Variants in MAPKAP1 observed in about 807,000 individuals in gnomAD.
MAPKAP1 encodes the protein target of rapamycin complex 2 subunit MAPKAP1.
MAPKAP1 carries 20 observed loss-of-function variants against 65.7 expected under a neutral mutation model. The observed-to-expected ratio is 0.30, with a 90% confidence interval of 0.21 to 0.44. The LOEUF is 0.44. MAPKAP1 is among the 20% of genes least tolerant of loss of function. The pLI is 1.00. For missense variants in MAPKAP1, 423 were observed against 648.0 expected (o/e 0.65, Z 3.77); for synonymous variants, 222 against 244.3 (o/e 0.91, Z 0.85).
At chr9:125,565,975 T>C (rs1831040991) in intron 5 of MAPKAP1, among the ~76,000 whole-genome samples, 2 of 152,154 alleles carry the variant, frequency 1.3e-5, no homozygotes, top group African/African-American at 4.8e-5. Context: ...TAATTCCACA[T>C]CTGTCACTTA....
At chr9:125,618,115 G>A (rs1832795154) in intron 4 of MAPKAP1, among the ~76,000 whole-genome samples, 1 of 151,890 alleles carries the variant, frequency 6.6e-6, no homozygotes, top group African/African-American at 2.4e-5. Flanking sequence ...AGAACTTAGG[G>A]AGGATCGCCT....
chr9:125,647,301 G>T (rs1182059059), intron 4 of MAPKAP1, among the ~76,000 whole-genome samples: 1 of 152,160 alleles, frequency 6.6e-6, no homozygotes, highest in Non-Finnish European at 1.5e-5. Flanking sequence ...CCATGTAGTT[G>T]CAAGCCTCAA....
chr9:125,538,924 C>T (rs1339367583), intron 7 of MAPKAP1, among the ~76,000 whole-genome samples: 4 of 152,282 alleles, frequency 2.6e-5, no homozygotes, highest in East Asian at 1.9e-4. Flanking sequence ...AAGAGTCCAA[C>T]GATGCCATCA....
intron 9 of MAPKAP1, among the ~76,000 whole-genome samples, chr9:125,483,071 G>C (rs1255370992): frequency 6.6e-6 from 1 of 152,164 alleles, no homozygotes; most frequent in Non-Finnish European, 1.5e-5. Context: ...AGCCCTCTGA[G>C]CACCACACTC....
At chr9:125,663,601 A>G (rs1222671328) in intron 3 of MAPKAP1, among the ~76,000 whole-genome samples, 1 of 152,236 alleles carries the variant, frequency 6.6e-6, no homozygotes, top group Non-Finnish European at 1.5e-5. Context: ...TGTTGAAGGA[A>G]TAATTTATTA....
At chr9:125,441,689 A>G (rs1852489813) in intron 11 of MAPKAP1, among the ~76,000 whole-genome samples, 1 of 152,136 alleles carries the variant, frequency 6.6e-6, no homozygotes, top group Non-Finnish European at 1.5e-5. Context: ...ACTCCTCAAG[A>G]GCTTCTGATG....
chr9:125,526,886 G>A (rs1374873704), intron 7 of MAPKAP1, among the ~76,000 whole-genome samples: 1 of 140,626 alleles, frequency 7.1e-6, no homozygotes, highest in East Asian at 2.1e-4. Flanking sequence ...AGTGATTTCT[G>A]CCTTAGCCTC....
At position 125,562,608 on chromosome 9, in the gene MAPKAP1, T is replaced by A. The variant is rs142641865; in HGVS notation, c.672-2799A>T. Among the ~76,000 whole-genome samples the A allele has an allele frequency of 5.9e-5, 9 of 152,342 alleles. No individual in the cohort carries two copies. The East Asian group carries it at 1.7e-3, about 29-fold the overall frequency. ...TCATTAGTAAAAGAAGCTACTGTGA[T>A]ATTTTGACTTCTAAAACTGCTTCAG... On this transcript the variant is annotated intron_variant, in intron 5 of 11. Coordinates refer to ENST00000265960, the MANE Select transcript of MAPKAP1 (RefSeq NM_001006617.3).
chr9:125,566,373 T>A (rs1216665255), intron 5 of MAPKAP1, among the ~76,000 whole-genome samples: 1 of 152,126 alleles, frequency 6.6e-6, no homozygotes, highest in African/African-American at 2.4e-5. Flanking sequence ...GAGACTAGCC[T>A]GGGCAACATG....
chr9:125,480,806 A>G (rs951231589), intron 9 of MAPKAP1, among the ~76,000 whole-genome samples: 17 of 151,512 alleles, frequency 1.1e-4, no homozygotes, highest in Admixed American at 1.1e-3. Context: ...CCCCGTCTCT[A>G]CTAAAAATAC....
chr9:125,672,422 C>T lies in MAPKAP1; in HGVS notation c.153G>A (p.Gly51=). 6.2e-7 allele frequency: 1 copy of T among 1,614,164 alleles called. No homozygotes were observed. The highest frequency in any genetic ancestry group is 8.5e-7 in the Non-Finnish European group (1 of 1,180,020). The change falls in exon 2 of 12, where the codon GGG becomes GGA. Residue 51 remains glycine, a synonymous_variant. Coordinates refer to ENST00000265960, the MANE Select transcript of MAPKAP1 (RefSeq NM_001006617.3). ...CACCATTGCTTCCCTGAATTTCTGA[C>T]CCACTGTCTCCAGGCATTGAAGGAG... ...IHPPSMPGDS[G]SEIQGSNGET...
At chr9:125,543,849 G>A (rs1830335142) in intron 6 of MAPKAP1, among the ~76,000 whole-genome samples, 1 of 152,036 alleles carries the variant, frequency 6.6e-6, no homozygotes, top group Admixed American at 6.6e-5. Context: ...TGATAAACTT[G>A]GCTTGTGTCA....
intron 4 of MAPKAP1, among the ~76,000 whole-genome samples, chr9:125,654,428 T>G (rs953549958): frequency 1.3e-5 from 2 of 152,124 alleles, no homozygotes; most frequent in Non-Finnish European, 2.9e-5. Flanking sequence ...TTTCAAATGA[T>G]CAGTAAACAG....
At chr9:125,679,650 G>A (rs1834762791) in intron 1 of MAPKAP1, among the ~76,000 whole-genome samples, 1 of 152,124 alleles carries the variant, frequency 6.6e-6, no homozygotes, top group African/African-American at 2.4e-5. Flanking sequence ...TTTACTTCAA[G>A]TCTATACCTG....
At chr9:125,533,734 C>A (rs577685412) in intron 7 of MAPKAP1, among the ~76,000 whole-genome samples, 104 of 152,324 alleles carry the variant, frequency 6.8e-4, no homozygotes, top group Non-Finnish European at 1.0e-3. Flanking sequence ...CAGGTGTGAG[C>A]CACTACGCTC....
intron 4 of MAPKAP1, among the ~76,000 whole-genome samples, chr9:125,615,825 A>G (rs1299370509): frequency 6.6e-6 from 1 of 152,008 alleles, no homozygotes; most frequent in Non-Finnish European, 1.5e-5. Context: ...AGGCACGAGA[A>G]TCACTTGATG....
chr9:125,452,298 C>T (rs777970311), intron 10 of MAPKAP1, among the ~76,000 whole-genome samples: 17 of 152,184 alleles, frequency 1.1e-4, no homozygotes, highest in South Asian at 6.2e-4. Context: ...GGGGTTTTGC[C>T]ATGTTGGCTA....
chr9:125,663,686 T>A (rs7849316), intron 3 of MAPKAP1, among the ~76,000 whole-genome samples: 1 of 152,152 alleles, frequency 6.6e-6, no homozygotes, highest in African/African-American at 2.4e-5. Flanking sequence ...GGGTAGGGTA[T>A]AGGAAGGGAG....
At chr9:125,521,260 G>C (rs1829609044) in intron 7 of MAPKAP1, among the ~76,000 whole-genome samples, 1 of 151,216 alleles carries the variant, frequency 6.6e-6, no homozygotes, top group Non-Finnish European at 1.5e-5. Context: ...TCTCTTTAGA[G>C]AAAGGAGGTC....
Sources: allele counts gnomAD v4.1 joint callset (sites outside exome capture counted in the v4.1 genomes callset), GRCh38; gene constraint gnomAD v4.1.1; transcripts MANE v1.5; gene names NCBI Gene and HGNC (gene_info 2026-07-23, HGNC 2026-07-21).